PDE4D: variants seen among roughly 807,000 people sequenced by gnomAD.
PDE4D encodes the protein phosphodiesterase 4D.
Under a neutral mutation model 87.4 loss-of-function variants are expected in PDE4D, and 24 were observed. The ratio of observed to expected loss-of-function variants is 0.27; its 90% CI spans 0.20 to 0.39. The LOEUF (loss-of-function observed/expected upper bound fraction) is 0.39. PDE4D is among the 10% of genes least tolerant of loss of function. PDE4D has a pLI of 1.00. For missense variants in PDE4D, 714 were observed against 1,041.0 expected (o/e 0.69, Z 4.32); for synonymous variants, 384 against 383.2 (o/e 1.00, Z -0.02).
At chr5:59,757,036 G>A (rs1354839173) in intron 1 of PDE4D, among the ~76,000 whole-genome samples, 3 of 152,112 alleles carry the variant, frequency 2.0e-5, no homozygotes, top group Non-Finnish European at 2.9e-5. Flanking sequence ...GACCTCAAGT[G>A]ATCCACGTGC....
chr5:59,689,492 C>A (rs1750525929), intron 1 of PDE4D, among the ~76,000 whole-genome samples: 1 of 152,102 alleles, frequency 6.6e-6, no homozygotes, highest in African/African-American at 2.4e-5. Context: ...TCAATAGATG[C>A]AGAAAAGGCG....
Position 59,267,465 on chromosome 5 carries a change from G to A in PDE4D, c.456-51497C>T, listed in dbSNP as rs540290054. On this transcript the variant is annotated intron_variant, in intron 1 of 14. Transcript: ENST00000340635. ...CAACGGGAGCACTTTTCTCTAGGAAGTCTGAAAACAATTACATACTGAAAT... is the reference window on the plus strand; with the variant it reads ...CAACGGGAGCACTTTTCTCTAGGAAATCTGAAAACAATTACATACTGAAAT... Among the ~76,000 whole-genome samples, 7 of 152,186 alleles carry A rather than the reference G, an allele frequency of 4.6e-5. No homozygotes were observed. The South Asian group carries it at 1.5e-3, about 32-fold the overall frequency.
intron 6 of PDE4D, among the ~76,000 whole-genome samples, chr5:59,006,214 T>C (rs989956528): frequency 5.9e-5 from 9 of 152,224 alleles, no homozygotes; most frequent in African/African-American, 2.2e-4. Flanking sequence ...TCCACTGCTC[T>C]CAAATGCCCA....
intron 1 of PDE4D, among the ~76,000 whole-genome samples, chr5:59,276,505 C>T (rs921665639): frequency 1.3e-5 from 2 of 152,006 alleles, no homozygotes; most frequent in South Asian, 2.1e-4. Flanking sequence ...TCATTTTGAG[C>T]GGATGTAATG....
intron 1 of PDE4D, among the ~76,000 whole-genome samples, chr5:59,238,386 T>C (rs1458060858): frequency 1.3e-5 from 2 of 152,152 alleles, no homozygotes; most frequent in African/African-American, 4.8e-5. Context: ...TAGGTAACAG[T>C]AATTAGATGA....
chr5:59,565,791 T>C (rs928900076), intron 1 of PDE4D, among the ~76,000 whole-genome samples: 10 of 152,166 alleles, frequency 6.6e-5, no homozygotes, highest in African/African-American at 2.4e-4. Context: ...CTTCCTCCTG[T>C]CCTCTGCCAC....
intron 1 of PDE4D, among the ~76,000 whole-genome samples, chr5:59,513,329 T>C (rs1372761842): frequency 2.0e-5 from 3 of 152,142 alleles, no homozygotes; most frequent in Non-Finnish European, 4.4e-5. Context: ...AAAAACAGAA[T>C]CAAGAATGAT....
intron 1 of PDE4D, among the ~76,000 whole-genome samples, chr5:59,321,633 C>T (rs1258247945): frequency 6.6e-6 from 1 of 152,024 alleles, no homozygotes; most frequent in Admixed American, 6.6e-5. Context: ...TGTGAAAAGG[C>T]GCCTCAGGAC....
intron 5 of PDE4D, among the ~76,000 whole-genome samples, chr5:59,157,667 A>G (rs1780456670): frequency 6.6e-6 from 1 of 152,230 alleles, no homozygotes; most frequent in South Asian, 2.1e-4. Context: ...AACCAAACAC[A>G]TAATTAGGAT....
intron 1 of PDE4D, among the ~76,000 whole-genome samples, chr5:60,258,439 A>G (rs1749319906): frequency 6.6e-6 from 1 of 152,050 alleles, no homozygotes; most frequent in South Asian, 2.1e-4. Flanking sequence ...CATTAAAATC[A>G]GTCAATATTT....
intron 1 of PDE4D, among the ~76,000 whole-genome samples, chr5:60,265,808 C>T (rs1396299450): frequency 6.6e-6 from 1 of 152,168 alleles, no homozygotes; most frequent in East Asian, 1.9e-4. Flanking sequence ...ACACCTCCTG[C>T]CAAGCTGAGC....
intron 1 of PDE4D, among the ~76,000 whole-genome samples, chr5:60,207,340 C>T (rs139995717): frequency 1.5e-3 from 230 of 152,292 alleles, no homozygotes; most frequent in African/African-American, 5.2e-3. Flanking sequence ...ACTTGAGTGC[C>T]TTAGCTTGGA....
At chr5:58,990,001 C>G in intron 9 of PDE4D, 82 bp from the exon 10 acceptor site, 2 of 800,582 alleles carry the variant, frequency 2.5e-6, no homozygotes, top group Admixed American at 4.9e-5. Flanking sequence ...AAAAAAATCA[C>G]ACACCAGTGT....
At chr5:59,424,123 A>T (rs755404831) in intron 1 of PDE4D, among the ~76,000 whole-genome samples, 1 of 152,140 alleles carries the variant, frequency 6.6e-6, no homozygotes, top group Admixed American at 6.5e-5. Context: ...GGGCCATAAG[A>T]AAAAAGGACA....
At chr5:59,887,931 A>G (rs949607845) in intron 1 of PDE4D, among the ~76,000 whole-genome samples, 1 of 152,214 alleles carries the variant, frequency 6.6e-6, no homozygotes. Context: ...AGATGGCCAC[A>G]ATGTGTAAAA....
intron 1 of PDE4D, among the ~76,000 whole-genome samples, chr5:59,397,995 T>G (rs1476122733): frequency 8.3e-6 from 1 of 120,926 alleles, no homozygotes; most frequent in African/African-American, 3.3e-5. Flanking sequence ...AATGGATAAA[T>G]TCCTTGACAC....
At chr5:59,331,298 T>C (rs1027609170) in intron 1 of PDE4D, among the ~76,000 whole-genome samples, 2 of 152,120 alleles carry the variant, frequency 1.3e-5, no homozygotes, top group African/African-American at 2.4e-5. Context: ...GAGGTCAAGA[T>C]GTCAGTGGGG....
At chr5:59,907,022 A>T (rs1406976932) in intron 3 of PDE4D, among the ~76,000 whole-genome samples, 4 of 152,216 alleles carry the variant, frequency 2.6e-5, no homozygotes, top group Non-Finnish European at 5.9e-5. Flanking sequence ...AATGTGGTAC[A>T]TATACTCCAC....
intron 1 of PDE4D, among the ~76,000 whole-genome samples, chr5:60,311,504 G>A (rs6449464): frequency 0.41 from 62,750 of 152,030 alleles, 15,266 homozygotes; most frequent in African/African-American, 0.68. Context: ...ATCTTTTCAG[G>A]GAAGCAAATG....
Sources: gnomAD v4.1 joint callset for allele counts (sites outside exome capture counted in the v4.1 genomes callset) on GRCh38, gnomAD v4.1.1 for gene constraint, MANE v1.5 for transcripts, NCBI Gene and HGNC (gene_info 2026-07-23, HGNC 2026-07-21) for gene names.